The following APLF variants were observed in gnomAD, a reference collection of about 807,000 sequenced individuals.
APLF encodes aprataxin and PNKP like factor.
APLF carries 61 observed loss-of-function variants against 55.6 expected under a neutral mutation model. That is an observed-to-expected ratio of 1.10 (90% CI 0.89 to 1.36). The LOEUF (loss-of-function observed/expected upper bound fraction) is 1.36. APLF is among the 40% of genes most tolerant of loss of function. The pLI is 0.00. For missense variants in APLF, 611 were observed against 602.5 expected, an observed-to-expected ratio of 1.01 and a Z score of -0.15; for synonymous variants, 207 against 214.8, an observed-to-expected ratio of 0.96 and a Z score of 0.32.
chr2:68,502,985 G>A, intron 3 of APLF, 82 bp downstream of exon 3: 1 of 1,431,316 alleles, frequency 7.0e-7, no homozygotes, highest in Non-Finnish European at 9.5e-7. Context: ...GTAGGAACCA[G>A]TAGAAACCAT....
intron 3 of APLF, among the ~76,000 whole-genome samples, chr2:68,509,995 A>T (rs970901587): frequency 2.0e-5 from 3 of 147,796 alleles, no homozygotes; most frequent in Non-Finnish European, 3.0e-5. Flanking sequence ...GCATGTTCTC[A>T]CTCATAGGTG....
chr2:68,510,748 A>AATG (rs1459853468), intron 3 of APLF, among the ~76,000 whole-genome samples: 3 of 151,856 alleles, frequency 2.0e-5, no homozygotes, highest in African/African-American at 7.2e-5. Flanking sequence ...CATTATTCAT[A>AATG]ATAGCCAAAA....
intron 2 of APLF, among the ~76,000 whole-genome samples, chr2:68,497,788 A>G (rs867126704): frequency 1.3e-5 from 2 of 152,300 alleles, no homozygotes; most frequent in Middle Eastern, 3.4e-3. Context: ...GCAATTCACC[A>G]TGAGATTTGG....
chr2:68,501,641 G>A (rs62146968), intron 2 of APLF, among the ~76,000 whole-genome samples: 2,509 of 152,188 alleles, frequency 0.016, 35 homozygotes, highest in Middle Eastern at 0.041. Flanking sequence ...TGCTAACATG[G>A]AAATAGTGGC....
intron 6 of APLF, among the ~76,000 whole-genome samples, chr2:68,532,482 T>C (rs13415887): frequency 0.14 from 22,007 of 152,044 alleles, 1,884 homozygotes; most frequent in African/African-American, 0.24. Context: ...TAAGAGCTAC[T>C]GTTGTATCAT....
chr2:68,501,785 T>C (rs1676729743), intron 2 of APLF, among the ~76,000 whole-genome samples: 1 of 152,130 alleles, frequency 6.6e-6, no homozygotes, highest in South Asian at 2.1e-4. Context: ...TTTCAGGAGG[T>C]AGAAAGAAAG....
chr2:68,575,723 A>T (rs1170497993), intron 9 of APLF, among the ~76,000 whole-genome samples: 1 of 152,118 alleles, frequency 6.6e-6, no homozygotes, highest in Non-Finnish European at 1.5e-5. Context: ...TGGTTGGATG[A>T]TTAGAGAAGT....
intron 5 of APLF, among the ~76,000 whole-genome samples, chr2:68,517,431 ATATC>A (rs1466662590): frequency 3.0e-5 from 4 of 132,190 alleles, no homozygotes; most frequent in East Asian, 2.2e-4. Flanking sequence ...ATATATTAAT[ATATC>A]TATATATGTT....
At chr2:68,518,961 A>G (rs1046880410) in intron 5 of APLF, among the ~76,000 whole-genome samples, 2 of 123,698 alleles carry the variant, frequency 1.6e-5, no homozygotes, top group African/African-American at 3.2e-5. Flanking sequence ...TATTAATAAT[A>G]CATAATAATA....
chr2:68,547,854 A>G (rs1206708689), intron 8 of APLF, among the ~76,000 whole-genome samples: 3 of 151,834 alleles, frequency 2.0e-5, no homozygotes, highest in Non-Finnish European at 3.0e-5. Flanking sequence ...TTTTACAACT[A>G]TAAATGAAGT....
chr2:68,510,176 C>A (rs577474760), intron 3 of APLF, among the ~76,000 whole-genome samples: 1 of 151,542 alleles, frequency 6.6e-6, no homozygotes, highest in Non-Finnish European at 1.5e-5. Flanking sequence ...ATGTAACAAA[C>A]CTGCATGTTG....
intron 3 of APLF, among the ~76,000 whole-genome samples, chr2:68,509,222 G>A (rs1375521432): frequency 5.9e-5 from 9 of 152,130 alleles, no homozygotes; most frequent in Non-Finnish European, 4.4e-5. Flanking sequence ...TTGACAAATG[G>A]GATCTCATTA....
At chr2:68,565,937 A>G (rs1221508916) in intron 8 of APLF, among the ~76,000 whole-genome samples, 2 of 152,086 alleles carry the variant, frequency 1.3e-5, no homozygotes, top group East Asian at 3.9e-4. Context: ...GGAAAGCACA[A>G]ACCTGGGGGT....
intron 5 of APLF, among the ~76,000 whole-genome samples, chr2:68,519,094 T>TATA (rs372727666): frequency 0.08 from 10,268 of 128,066 alleles, 559 homozygotes; most frequent in African/African-American, 0.12. Flanking sequence ...ATAATTAATA[T>TATA]ATAATAATAT....
At chr2:68,526,357 A>G in intron 6 of APLF, 115 bp downstream of exon 6, 9 of 1,415,214 alleles carry the variant, frequency 6.4e-6, no homozygotes, top group Non-Finnish European at 8.8e-6. Flanking sequence ...GAGTTTATGA[A>G]GACAAAACTA....
chr2:68,526,687 C>T (rs999001081), intron 6 of APLF, among the ~76,000 whole-genome samples: 1 of 152,206 alleles, frequency 6.6e-6, no homozygotes, highest in Non-Finnish European at 1.5e-5. Context: ...CCATCCTGCT[C>T]TCAACTACAA....
chr2:68,552,832 T>C (rs1670902679), intron 8 of APLF, among the ~76,000 whole-genome samples: 1 of 152,166 alleles, frequency 6.6e-6, no homozygotes, highest in South Asian at 2.1e-4. Context: ...TGTAGATACG[T>C]GTAGATGTAT....
At position 68,577,960 on chromosome 2, in the gene APLF, G is replaced by A. The variant is rs1274267241; in HGVS notation, c.1474G>A (p.Glu492Lys). The A allele has an allele frequency of 6.2e-7, 1 of 1,613,590 alleles. No homozygotes were observed. The highest frequency in any genetic ancestry group is 8.5e-7 in the Non-Finnish European group (1 of 1,179,700). ...DSDWEPGKED[E>K]EKEDVEELLK... Reference sequence around the variant, plus strand: ...TGACTGGGAACCAGGAAAGGAAGATGAAGAGAAGGAAGATGTGGAAGAGCT... The same window carrying A: ...TGACTGGGAACCAGGAAAGGAAGATAAAGAGAAGGAAGATGTGGAAGAGCT... The change falls in exon 10 of 10, where the codon GAA (glutamate) becomes AAA (lysine). Residue 492 changes from glutamate to lysine, a missense_variant. Glu to Lys is a moderately conservative substitution (Grantham distance 56). Coordinates refer to ENST00000303795, the MANE Select transcript of APLF (RefSeq NM_173545.3).
chr2:68,509,735 T>C (rs527575708), intron 3 of APLF, among the ~76,000 whole-genome samples: 3 of 152,228 alleles, frequency 2.0e-5, no homozygotes, highest in African/African-American at 7.2e-5. Flanking sequence ...CTCAAAGGAA[T>C]ATAACTCATG....
Sources: allele counts gnomAD v4.1 joint callset (sites outside exome capture counted in the v4.1 genomes callset), GRCh38; gene constraint gnomAD v4.1.1; transcripts MANE v1.5; gene names NCBI Gene and HGNC (gene_info 2026-07-23, HGNC 2026-07-21).